The following TP53BP1 variants were observed in gnomAD, a reference collection of about 807,000 sequenced individuals.
TP53BP1 encodes the protein TP53-binding protein 1.
A neutral mutation model predicts 200.8 loss-of-function variants in TP53BP1; 61 were observed. The observed-to-expected ratio is 0.30, with a 90% CI of 0.25 to 0.38. The LOEUF (loss-of-function observed/expected upper bound fraction) is 0.38. TP53BP1 is among the 10% of genes least tolerant of loss of function. The pLI is 1.00. For synonymous variants in TP53BP1, 822 were observed against 844.3 expected (o/e 0.97, Z 0.46); for missense variants, 2,144 against 2,371.9 (o/e 0.90, Z 2.00).
Position 43,462,865 on chromosome 15 carries a change from TG to T in TP53BP1, c.1390-5648del, listed in dbSNP as rs964003670. On this transcript the variant is annotated intron_variant, in intron 11 of 27. Coordinates refer to ENST00000382044, the MANE Select transcript of TP53BP1 (RefSeq NM_001141980.3). ...TAAGGTCAGAAGTTTGAGAACAGCC[TG>T]GCCAACATGGTGAAACCCCATCTCT... Among the ~76,000 whole-genome samples, 8 of 152,276 alleles carry T rather than the reference TG, an allele frequency of 5.3e-5. 1 individual carries two copies. Among genetic ancestry groups the T allele is most frequent in the Admixed American group, 3.9e-4 (6 of 15,296 alleles).
chr15:43,457,341 A>C (rs2046324769), intron 11 of TP53BP1, 123 bp from the exon 12 acceptor site: 1 of 941,322 alleles, frequency 1.1e-6, no homozygotes, highest in Non-Finnish European at 1.5e-6. Flanking sequence ...TTAAATTCAT[A>C]TAAAATTTCT....
chr15:43,508,686 T>C, intron 1 of TP53BP1, among the ~76,000 whole-genome samples: 1 of 152,158 alleles, frequency 6.6e-6, no homozygotes, highest in Admixed American at 6.5e-5. Flanking sequence ...CATCACCCAG[T>C]GGAATGGCTG....
chr15:43,490,601 C>A (rs2079108377), intron 4 of TP53BP1, among the ~76,000 whole-genome samples: 1 of 152,190 alleles, frequency 6.6e-6, no homozygotes. Context: ...ACCACCTCCC[C>A]TTTCTACCAC....
rs1042717428 is a variant in TP53BP1, at chr15:43,481,118, G to A, written c.372-96C>T. The A allele has an allele frequency of 2.7e-6, 4 of 1,461,498 alleles. No homozygotes were observed. In the African/African-American group the frequency reaches 5.6e-5, roughly 21 times the overall value. The allele number at this position is 1,461,498 out of a possible 1,614,324, so 90.5% of individuals were successfully genotyped here. ...CCCAACACATACCAACCATCTCTTA[G>A]CCAAACTTGAAAAAGTAAAATACCT... On this transcript the variant is annotated intron_variant, in intron 4 of 27. Coordinates refer to ENST00000382044, the MANE Select transcript of TP53BP1 (RefSeq NM_001141980.3).
intron 12 of TP53BP1, among the ~76,000 whole-genome samples, chr15:43,453,946 G>T (rs375596464): frequency 6.6e-6 from 1 of 151,576 alleles, no homozygotes; most frequent in African/African-American, 2.4e-5. Flanking sequence ...AGCGGCTCAC[G>T]CCTGTAATCC....
In TP53BP1 at chr15:43,403,622, A is replaced by G; in HGVS notation, c.*3761T>C. The G allele has an allele frequency of 8.0e-7, 1 of 1,243,714 alleles. No individual in the cohort carries two copies. The allele number at this position is 1,243,714 out of a possible 1,614,324, so 77.0% of individuals were successfully genotyped here. A position where few individuals can be genotyped will look rare whatever the true frequency, so the allele number is the denominator to read the frequency against. ...CTATTAATCAGACTGTTCTCCTAACACTTTAACTTCATGGATGTACCTTCC... is the reference window on the plus strand; with the variant it reads ...CTATTAATCAGACTGTTCTCCTAACGCTTTAACTTCATGGATGTACCTTCC... On this transcript the variant is annotated 3_prime_UTR_variant, in exon 28 of 28. Coordinates refer to ENST00000382044, the MANE Select transcript of TP53BP1 (RefSeq NM_001141980.3).
intron 10 of TP53BP1, among the ~76,000 whole-genome samples, chr15:43,471,558 C>G (rs1042480300): frequency 1.3e-5 from 2 of 152,036 alleles, no homozygotes; most frequent in South Asian, 4.1e-4. Context: ...TCCTGAGTAG[C>G]TGGGATTACA....
At chr15:43,495,417 T>G (rs1318652662), upstream of TP53BP1, among the ~76,000 whole-genome samples, 2 of 150,984 alleles carry the variant, frequency 1.3e-5, no homozygotes, top group Non-Finnish European at 2.9e-5. Flanking sequence ...GAGAATTGCT[T>G]GAACCCTGGA....
intron 7 of TP53BP1, among the ~76,000 whole-genome samples, chr15:43,478,154 T>C (rs577471612): frequency 9.2e-5 from 14 of 152,208 alleles, no homozygotes; most frequent in South Asian, 2.1e-4. Context: ...TGGAAAGCAT[T>C]TGATGTCAAT....
chr15:43,421,639 G>A (rs2045400568), intron 19 of TP53BP1: 2 of 640,176 alleles, frequency 3.1e-6, no homozygotes, highest in African/African-American at 1.8e-5. Context: ...ATTTTCTCAG[G>A]GGCTGCTTTG....
rs775729467 is a variant in TP53BP1, at chr15:43,493,047, G to A, written c.-4C>T. 3 of 1,613,070 alleles carry A rather than the reference G, an allele frequency of 1.9e-6. No individual in the cohort carries two copies. Among genetic ancestry groups the A allele is most frequent in the Admixed American group, 1.7e-5 (1 of 59,948 alleles). On this transcript the variant is annotated 5_prime_UTR_variant, in exon 1 of 28. Transcript: ENST00000382044. The stretch of plus-strand genomic sequence containing the variant: ...CTCTCCAAACAGTACCAGGCATCCC[G>A]GCGGGAGGTCCCTCGCGCTCGAGCT...
At chr15:43,507,944 G>A (rs1409093764) in intron 1 of TP53BP1, among the ~76,000 whole-genome samples, 1 of 151,968 alleles carries the variant, frequency 6.6e-6, no homozygotes, top group East Asian at 1.9e-4. Context: ...TGAACTTCTG[G>A]GCTCAAGCAA....
chr15:43,490,413 A>C (rs1470777809), intron 4 of TP53BP1, among the ~76,000 whole-genome samples: 6 of 151,622 alleles, frequency 4.0e-5, no homozygotes, highest in Non-Finnish European at 8.8e-5. Flanking sequence ...TTGTAGAGAC[A>C]GGGTCTCACT....
chr15:43,456,384 C>T lies in TP53BP1; in HGVS notation c.2224G>A (p.Glu742Lys). The part of the protein sequence containing the change: ...SPQKLAILDQ[E>K]LEHKEQEAWE... ...GCTTCCTGTTCCTTATGTTCCAATT[C>T]TTGGTCAAGTATTGCCAACTTTTGA... The change falls in exon 12 of 28, where the codon GAA (glutamate) becomes AAA (lysine). Residue 742 changes from glutamate to lysine, a missense_variant. By Grantham distance (56) the Glu-to-Lys change is moderately conservative. Coordinates refer to ENST00000382044, the MANE Select transcript of TP53BP1 (RefSeq NM_001141980.3). 1.2e-6 allele frequency: 2 copies of T among 1,606,488 alleles called. No individual in the cohort carries two copies. Among genetic ancestry groups the T allele is most frequent in the Non-Finnish European group, 1.7e-6 (2 of 1,177,590 alleles).
In TP53BP1 at chr15:43,446,558, T is replaced by A; in HGVS notation, c.2869A>T (p.Thr957Ser). The change falls in exon 14 of 28, where the codon ACC (threonine) becomes TCC (serine). Residue 957 changes from threonine (T) to serine (S), a missense_variant. By Grantham distance (58) the Thr-to-Ser change is moderately conservative (BLOSUM62 1). Around this residue, in one of 4 missense-constraint regions of TP53BP1, gnomAD observed 1,700 missense variants for 1,710.3 expected, o/e 0.99. Transcript: ENST00000382044. ...ISNYPESTIA[T>S]SDVMSESMVE... is the part of the protein sequence containing the mutation. ...ATGCTTTCAGACATGACATCACTGG[T>A]TGCTATGGTGCTTTCTGGATAGTTG... is the stretch of plus-strand genomic sequence containing the variant. The A allele has an allele frequency of 1.2e-6, 2 of 1,614,126 alleles. No individual in the cohort carries two copies. The highest frequency in any genetic ancestry group is 1.7e-6 in the Non-Finnish European group (2 of 1,180,004).
At chr15:43,497,375 G>C, upstream of TP53BP1, 1 of 981,698 alleles carries the variant, frequency 1.0e-6, no homozygotes, top group Non-Finnish European at 1.2e-6. Context: ...GTGAGACTCT[G>C]CCTCAAAAAA....
intron 11 of TP53BP1, among the ~76,000 whole-genome samples, chr15:43,464,951 ATTC>A (rs1298485991): frequency 6.6e-6 from 1 of 152,054 alleles, no homozygotes; most frequent in Non-Finnish European, 1.5e-5. Context: ...AAGGAATGAA[ATTC>A]TTTTTTCCTT....
chr15:43,454,400 G>T (rs961041546), intron 12 of TP53BP1, among the ~76,000 whole-genome samples: 69 of 149,582 alleles, frequency 4.6e-4, no homozygotes, highest in Non-Finnish European at 4.3e-4. Context: ...TTTCACTCTT[G>T]TTGCCCAGGC....
rs377298940 is a variant in TP53BP1, at chr15:43,456,795, A to T, written c.1813T>A (p.Leu605Ile). The change falls in exon 12 of 28, where the codon TTA (leucine) becomes ATA (isoleucine). Residue 605 changes from leucine to isoleucine, a missense_variant. Transcript: ENST00000382044. ...TCTCTGCCCTTGCAACCAGTGGCTA[A>T]AATACTAATGTCATCCCTGGTGTCT... ...DTDTRDDISI[L>I]ATGCKGREET... 129 of 1,613,940 alleles carry T rather than the reference A, an allele frequency of 8.0e-5. No homozygotes were observed. Among genetic ancestry groups the T allele is most frequent in the Non-Finnish European group, 1.0e-4 (121 of 1,180,038 alleles).
Sources: gnomAD v4.1 joint callset for allele counts (sites outside exome capture counted in the v4.1 genomes callset) on GRCh38, gnomAD v4.1.1 for gene constraint, gnomAD v4.1.1 regional missense constraint, MANE v1.5 for transcripts, NCBI Gene and HGNC (gene_info 2026-07-23, HGNC 2026-07-21) for gene names.